Variants in RFC3 observed in about 807,000 individuals in gnomAD.
The protein encoded by RFC3 is replication factor C subunit 3, also known as A1 38 kDa subunit.
RFC3 carries 41 observed loss-of-function variants against 45.1 expected under a neutral mutation model. The observed-to-expected ratio is 0.91, with a 90% CI of 0.71 to 1.18. The LOEUF is 1.18. RFC3 is among the 50% of genes most tolerant of loss of function. The pLI is 0.00. For synonymous variants in RFC3, 149 were observed against 144.0 expected, an observed-to-expected ratio of 1.03 and a Z score of -0.25; for missense variants, 423 against 428.1, an observed-to-expected ratio of 0.99 and a Z score of 0.10.
chr13:33,890,890 A>ATATATCAAT (rs2082559344), intron 8 of RFC3, among the ~76,000 whole-genome samples: 1 of 152,176 alleles, frequency 6.6e-6, no homozygotes, highest in African/African-American at 2.4e-5. Flanking sequence ...TTTCTTCTAG[A>ATATATCAAT]TATATCAATA....
chr13:33,865,190 T>A (rs2082365344), intron 8 of RFC3, among the ~76,000 whole-genome samples: 1 of 152,172 alleles, frequency 6.6e-6, no homozygotes, highest in Admixed American at 6.5e-5. Flanking sequence ...GGTTTCACAG[T>A]GCACAGTAAT....
chr13:33,899,446 A>G (rs2082625284), intron 8 of RFC3, among the ~76,000 whole-genome samples: 1 of 151,778 alleles, frequency 6.6e-6, no homozygotes, highest in Admixed American at 6.6e-5. Flanking sequence ...AATTATTTCA[A>G]TAGATGCTAA....
chr13:33,940,849 C>G (rs149643056), intron 8 of RFC3, among the ~76,000 whole-genome samples: 1 of 152,140 alleles, frequency 6.6e-6, no homozygotes, highest in East Asian at 1.9e-4. Context: ...ATTTTTATTA[C>G]GTTATGAACT....
chr13:33,932,648 G>T lies in RFC3; in HGVS notation c.880-33439G>T, dbSNP rs547371853. Among the ~76,000 whole-genome samples, 44 of 152,218 alleles carry T rather than the reference G, an allele frequency of 2.9e-4. 1 individual carries two copies. Among genetic ancestry groups the T allele is most frequent in the African/African-American group, 8.4e-4 (35 of 41,558 alleles). On this transcript the variant is annotated intron_variant, in intron 8 of 8. Transcript: ENST00000434425. ...ACAGAGAAGGGAAAGTACAGAGAAA[G>T]AATTACTCTAAAGCAAAAACAGTAG...
chr13:33,902,278 T>C (rs2082646289), intron 8 of RFC3, among the ~76,000 whole-genome samples: 2 of 152,074 alleles, frequency 1.3e-5, no homozygotes, highest in Admixed American at 6.6e-5. Flanking sequence ...CAGAAGCAAG[T>C]GTCTGCCTGC....
At position 33,825,688 on chromosome 13, in the gene RFC3, T is replaced by A. The variant is rs553383490; in HGVS notation, c.294-101T>A. The A allele has an allele frequency of 2.5e-5, 13 of 523,650 alleles. No individual in the cohort carries two copies. The East Asian group carries it at 3.7e-4, about 15-fold the overall frequency. The allele number at this position is 523,650 out of a possible 1,614,324, so 32.4% of individuals were successfully genotyped here. On this transcript the variant is annotated intron_variant, in intron 3 of 8. Transcript: ENST00000380071. ...GGCTTATAATTATAGTTAAGTGATATTAATTTTGATTAAAATTTTGACCAC... is the reference window on the plus strand; with the variant it reads ...GGCTTATAATTATAGTTAAGTGATAATAATTTTGATTAAAATTTTGACCAC...
At chr13:33,825,449 A>G (rs1666379059) in intron 3 of RFC3, among the ~76,000 whole-genome samples, 1 of 152,160 alleles carries the variant, frequency 6.6e-6, no homozygotes, top group African/African-American at 2.4e-5. Flanking sequence ...AATTATAGAT[A>G]GTTGAGAAAT....
At position 33,823,797 on chromosome 13, in the gene RFC3, A is replaced by G. The variant is rs529383410; in HGVS notation, c.226-120A>G. 1.3e-5 allele frequency: 7 copies of G among 535,406 alleles called. No homozygotes were observed. The South Asian group carries it at 1.5e-4, about 12-fold the overall frequency. The allele number at this position is 535,406 out of a possible 1,614,324, so 33.2% of individuals were successfully genotyped here. On this transcript the variant is annotated intron_variant, in intron 2 of 8. Transcript: ENST00000380071. ...AGAGTGGGATTAACAAAGTTAAAAC[A>G]TGAATGGTGGTTATCTCAAGTTTTA...
chr13:33,852,708 T>C (rs899538736), intron 8 of RFC3, among the ~76,000 whole-genome samples: 7 of 152,202 alleles, frequency 4.6e-5, no homozygotes, highest in Admixed American at 6.5e-5. Context: ...TAATAGTTTA[T>C]AGAGACTTAT....
At chr13:33,916,500 C>G (rs755904917) in intron 8 of RFC3, among the ~76,000 whole-genome samples, 5 of 152,126 alleles carry the variant, frequency 3.3e-5, no homozygotes, top group Non-Finnish European at 7.4e-5. Context: ...AGAAAGCATT[C>G]TGCATTGACA....
chr13:33,898,017 C>A (rs1247567050), intron 8 of RFC3, among the ~76,000 whole-genome samples: 1 of 151,800 alleles, frequency 6.6e-6, no homozygotes, highest in Non-Finnish European at 1.5e-5. Flanking sequence ...AAAACACTAA[C>A]AGATCTAAAG....
intron 8 of RFC3, among the ~76,000 whole-genome samples, chr13:33,887,165 G>A (rs1213187300): frequency 1.4e-5 from 2 of 145,910 alleles, no homozygotes; most frequent in Admixed American, 1.3e-4. Context: ...TGGGATGGCT[G>A]GGTCAAATGG....
intron 8 of RFC3, chr13:33,850,946 C>T (rs766438109): frequency 7.9e-5 from 12 of 152,008 alleles, no homozygotes; most frequent in Non-Finnish European, 1.2e-4. Context: ...ATATTACTTT[C>T]GGATTTTTTT....
chr13:33,933,055 T>C (rs1376700795), intron 8 of RFC3, among the ~76,000 whole-genome samples: 1 of 152,172 alleles, frequency 6.6e-6, no homozygotes, highest in East Asian at 1.9e-4. Flanking sequence ...AAATCTGAGA[T>C]ACTGGTTTTT....
At chr13:33,851,876 A>G (rs1480886358) in intron 8 of RFC3, among the ~76,000 whole-genome samples, 1 of 152,230 alleles carries the variant, frequency 6.6e-6, no homozygotes, top group Non-Finnish European at 1.5e-5. Flanking sequence ...ACATTTAAAT[A>G]ACAGACCTAA....
intron 8 of RFC3, among the ~76,000 whole-genome samples, chr13:33,872,798 C>CCCCG (rs1555235495): frequency 2.2e-5 from 3 of 139,012 alleles, no homozygotes; most frequent in African/African-American, 8.0e-5. Context: ...CCAAACCCCC[C>CCCCG]CCCCCAAAAT....
At chr13:33,954,383 G>A (rs1258641346) in intron 8 of RFC3, among the ~76,000 whole-genome samples, 39 of 152,136 alleles carry the variant, frequency 2.6e-4, no homozygotes, top group Non-Finnish European at 1.5e-5. Flanking sequence ...AAATGTCCAT[G>A]AGCTTTATAT....
At chr13:33,870,399 T>G (rs565568765) in intron 8 of RFC3, among the ~76,000 whole-genome samples, 145 of 152,346 alleles carry the variant, frequency 9.5e-4, no homozygotes, top group African/African-American at 3.4e-3. Context: ...ACATGACATC[T>G]CAATGATGGC....
intron 8 of RFC3, among the ~76,000 whole-genome samples, chr13:33,888,000 G>T (rs2082537639): frequency 6.6e-6 from 1 of 152,076 alleles, no homozygotes; most frequent in Admixed American, 6.5e-5. Flanking sequence ...CTCTGTTTTG[G>T]TACCAGTACC....
Sources: allele counts gnomAD v4.1 joint callset (sites outside exome capture counted in the v4.1 genomes callset), GRCh38; gene constraint gnomAD v4.1.1; transcripts MANE v1.5; gene names NCBI Gene and HGNC (gene_info 2026-07-23, HGNC 2026-07-21).